LIMS2: variants seen among roughly 807,000 people sequenced by gnomAD.
LIMS2 encodes LIM and senescent cell antigen-like-containing domain protein 2.
LIMS2 carries 30 observed loss-of-function variants against 45.3 expected under a neutral mutation model. The observed-to-expected ratio is 0.66, with a 90% CI of 0.50 to 0.90. The LOEUF (loss-of-function observed/expected upper bound fraction) is 0.90. Among genes scored for constraint, LIMS2 ranks in the 40% least tolerant of loss-of-function variants. LIMS2 has a pLI of 0.00. For synonymous variants in LIMS2, 173 were observed against 188.0 expected (o/e 0.92, Z 0.65); for missense variants, 485 against 468.7 (o/e 1.03, Z -0.32).
rs1684347237 is a variant in LIMS2, at chr2:127,657,556, C to T, written c.18G>A (p.Met6Ile). 6.3e-7 allele frequency: 1 copy of T among 1,598,762 alleles called. No individual in the cohort carries two copies. Among genetic ancestry groups the T allele is most frequent in the African/African-American group, 1.3e-5 (1 of 74,830 alleles). Residue 6 changes from methionine (M) to isoleucine (I), a missense_variant, in exon 2 of 10, where the codon ATG becomes ATA. Met to Ile is a conservative substitution (Grantham distance 10, BLOSUM62 1). Coordinates refer to ENST00000355119, the MANE Select transcript of LIMS2 (RefSeq NM_001161403.3). ...ACACGGCGTTGGCCAAGGCGTCCGA[C>T]ATATTGCTGGGGGCAGGAGACAGGA... Reference protein sequence around the residue: MTGSNMSDALANAVCQ... With the variant: MTGSNISDALANAVCQ...
chr2:127,666,218 G>A (rs1323979699), intron 1 of LIMS2, among the ~76,000 whole-genome samples: 3 of 152,122 alleles, frequency 2.0e-5, no homozygotes, highest in Non-Finnish European at 4.4e-5. Flanking sequence ...GATGTCAGCA[G>A]AAAGTGGTGG....
In LIMS2 at chr2:127,661,078, G is replaced by A. The variant is rs140976093; in HGVS notation, c.12-3516C>T. Among the ~76,000 whole-genome samples, 5 of 152,338 alleles carry A rather than the reference G, an allele frequency of 3.3e-5. 1 individual carries two copies. The highest frequency in any genetic ancestry group is 7.2e-5 in the African/African-American group (3 of 41,584). The stretch of plus-strand genomic sequence containing the variant: ...ACAGACAGAAGCATGCAGAGACAAC[G>A]GAGACACAGCACCATGAGAGAACAC... On this transcript the variant is annotated intron_variant, in intron 1 of 9. Coordinates refer to ENST00000355119, the MANE Select transcript of LIMS2 (RefSeq NM_001161403.3).
chr2:127,673,082 G>T (rs1364668141), intron 1 of LIMS2, among the ~76,000 whole-genome samples: 1 of 152,184 alleles, frequency 6.6e-6, no homozygotes, highest in South Asian at 2.1e-4. Context: ...AGACTGGCCC[G>T]GCCCAATCCC....
chr2:127,677,807 A>T (rs1685535930), upstream of LIMS2, among the ~76,000 whole-genome samples: 1 of 152,208 alleles, frequency 6.6e-6, no homozygotes, highest in South Asian at 2.1e-4. The surrounding 1 kb of genome is among the most constrained non-coding windows in gnomAD (Gnocchi z 5.0). Context: ...AATAGGCAAC[A>T]TTTGTCTGTG....
At chr2:127,652,538 C>G (rs762560756) in intron 4 of LIMS2, 1 of 166,846 alleles carries the variant, frequency 6.0e-6, no homozygotes, top group African/African-American at 2.4e-5. Context: ...GGCCTCTCTC[C>G]GCCTGAGCTA....
chr2:127,641,730 A>G (rs1363388380), intron 6 of LIMS2: 2 of 281,162 alleles, frequency 7.1e-6, no homozygotes, highest in East Asian at 1.4e-4. Context: ...TCTGTCATCC[A>G]CAACCCCCAG....
Position 127,653,763 on chromosome 2 carries a change from G to A in LIMS2, c.359+661C>T, listed in dbSNP as rs937160238. On this transcript the variant is annotated intron_variant, in intron 4 of 9. Coordinates refer to ENST00000355119, the MANE Select transcript of LIMS2 (RefSeq NM_001161403.3). This position sits in a 1 kb window ranked among gnomAD's most constrained non-coding sequence, Gnocchi z 5.3. The stretch of plus-strand genomic sequence containing the variant: ...CAGATGAGGCCAGGGTAGCACACGC[G>A]AGGGGCAGCGGGTGTGCTGGGAGAA... 2.6e-5 allele frequency among the ~76,000 whole-genome samples: 4 copies of A among 152,126 alleles called. No individual in the cohort carries two copies. Among genetic ancestry groups the A allele is most frequent in the African/African-American group, 7.2e-5 (3 of 41,416 alleles).
In LIMS2 at chr2:127,664,400, G is replaced by A; in HGVS notation, c.12-6838C>T. ...AGCCGGGCCGCCATGGCGCGGGGCA[G>A]CCGCCTTGAGGTCGCGGGCGCGGGC... On this transcript the variant is annotated intron_variant, in intron 1 of 9. Coordinates refer to ENST00000355119, the MANE Select transcript of LIMS2 (RefSeq NM_001161403.3). This position sits in a 1 kb window ranked among gnomAD's most constrained non-coding sequence, Gnocchi z 5.5. 1 of 1,201,642 alleles carries A rather than the reference G, an allele frequency of 8.3e-7. No homozygotes were observed. Among genetic ancestry groups the A allele is most frequent in the Non-Finnish European group, 1.0e-6 (1 of 968,618 alleles). 74.4% of individuals were successfully genotyped at this position (1,201,642 alleles called of 1,614,324 possible).
At chr2:127,645,441 C>G (rs1682859049) in intron 4 of LIMS2, among the ~76,000 whole-genome samples, 2 of 152,244 alleles carry the variant, frequency 1.3e-5, no homozygotes, top group African/African-American at 4.8e-5. Flanking sequence ...CGGCAGCATT[C>G]AAAGGCACCC....
At chr2:127,674,764 C>T (rs2105349456) in intron 1 of LIMS2, 4 of 985,382 alleles carry the variant, frequency 4.1e-6, no homozygotes, top group Non-Finnish European at 4.8e-6. Flanking sequence ...GACGGCTGTC[C>T]CATCTTGCAG....
Position 127,675,064 on chromosome 2 carries a change from G to A in LIMS2, c.-40C>T, listed in dbSNP as rs1320884564. 3.3e-6 allele frequency: 4 copies of A among 1,220,442 alleles called. No individual in the cohort carries two copies. Among genetic ancestry groups the A allele is most frequent in the Admixed American group, 4.3e-5 (1 of 23,524 alleles). 75.6% of individuals were successfully genotyped at this position (1,220,442 alleles called of 1,614,324 possible). ...CGAGCCCTGGGTTGCCGGGGTTGCC[G>A]CGGGTCTCCCTCTGCTGCTGCAGCC... On this transcript the variant is annotated 5_prime_UTR_variant, in exon 1 of 10. Coordinates refer to ENST00000355119, the MANE Select transcript of LIMS2 (RefSeq NM_001161403.3).
Position 127,640,996 on chromosome 2 carries a change from G to A in LIMS2, c.661-8C>T, listed in dbSNP as rs753006335. ...CTTGGCACAGACAAAGTGCTGCAAGGACAAAGGGCGGGCCGGGTGGCATCA... is the reference window on the plus strand; with the variant it reads ...CTTGGCACAGACAAAGTGCTGCAAGAACAAAGGGCGGGCCGGGTGGCATCA... On this transcript the variant is annotated splice_polypyrimidine_tract_variant and splice_region_variant and intron_variant, in intron 6 of 9. Coordinates refer to ENST00000355119, the MANE Select transcript of LIMS2 (RefSeq NM_001161403.3). 1 of 1,613,068 alleles carries A rather than the reference G, an allele frequency of 6.2e-7. No homozygotes were observed. The highest frequency in any genetic ancestry group is 1.1e-5 in the South Asian group (1 of 91,074).
chr2:127,665,968 A>G (rs569514053), intron 1 of LIMS2, among the ~76,000 whole-genome samples: 1 of 152,370 alleles, frequency 6.6e-6, no homozygotes, highest in Non-Finnish European at 1.5e-5. Context: ...AATATTTACT[A>G]TAAAAGCGGA....
rs775193858 is a variant in LIMS2, at chr2:127,640,045, C to G, written c.878+25G>C. 52 of 1,611,718 alleles carry G rather than the reference C, an allele frequency of 3.2e-5. No homozygotes were observed. In the Admixed American group the frequency reaches 8.7e-4, roughly 27 times the overall value. On this transcript the variant is annotated intron_variant, in intron 9 of 9. Coordinates refer to ENST00000355119, the MANE Select transcript of LIMS2 (RefSeq NM_001161403.3). The stretch of plus-strand genomic sequence containing the variant: ...GCAGGAGCCCCCTCCACCCTGAGCC[C>G]CATCCCACGATCACAGGGACTCACT...
intron 1 of LIMS2, among the ~76,000 whole-genome samples, chr2:127,660,336 T>C (rs1223112542): frequency 6.6e-6 from 1 of 152,134 alleles, no homozygotes; most frequent in Non-Finnish European, 1.5e-5. Flanking sequence ...CTTTGCTTGG[T>C]GTGGAAAGTT....
Position 127,644,865 on chromosome 2 carries a change from G to A in LIMS2, c.360-1793C>T, listed in dbSNP as rs1446439633. Among the ~76,000 whole-genome samples, 7 of 152,156 alleles carry A rather than the reference G, an allele frequency of 4.6e-5. No homozygotes were observed. In the East Asian group the frequency reaches 9.6e-4, roughly 21 times the overall value. Reference sequence around the variant, plus strand: ...CGGGCACAACAGGAAAGAGACCTGCGCCCCGGCTCAGACACCTCACACCCA... The same window carrying A: ...CGGGCACAACAGGAAAGAGACCTGCACCCCGGCTCAGACACCTCACACCCA... On this transcript the variant is annotated intron_variant, in intron 4 of 9. Transcript: ENST00000355119.
intron 1 of LIMS2, among the ~76,000 whole-genome samples, chr2:127,661,426 C>T (rs1684650436): frequency 6.6e-6 from 1 of 152,246 alleles, no homozygotes; most frequent in South Asian, 2.1e-4. Flanking sequence ...CTCTGCATGG[C>T]TCAGCCTAGG....
chr2:127,650,909 A>G (rs2105271815), intron 4 of LIMS2: 1 of 1,614,034 alleles, frequency 6.2e-7, no homozygotes, highest in South Asian at 1.1e-5. Context: ...TTTTCATCCG[A>G]GACCACAAGT....
At chr2:127,658,610 C>A (rs985179241) in intron 1 of LIMS2, among the ~76,000 whole-genome samples, 9 of 152,112 alleles carry the variant, frequency 5.9e-5, no homozygotes, top group Non-Finnish European at 1.2e-4. Context: ...CCAGGAGGGG[C>A]CTTTTAGACT....
Sources: allele counts gnomAD v4.1 joint callset (sites outside exome capture counted in the v4.1 genomes callset), GRCh38; gene constraint gnomAD v4.1.1; non-coding constraint Gnocchi (gnomAD v3.1); transcripts MANE v1.5; gene names NCBI Gene and HGNC (gene_info 2026-07-23, HGNC 2026-07-21).